Variants in ARSG observed in about 807,000 individuals in gnomAD.
ARSG encodes arylsulfatase G, also known as ASG.
Under a neutral mutation model 50.5 loss-of-function variants are expected in ARSG, and 37 were observed. The ratio of observed to expected loss-of-function variants is 0.73; its 90% CI spans 0.56 to 0.96. ARSG has a LOEUF of 0.96. ARSG is among the 50% of genes least tolerant of loss of function. The probability of loss-of-function intolerance (pLI) is 0.00; values close to 1 mark genes in which losing one functional copy is unlikely to be tolerated. For synonymous variants in ARSG, 225 were observed against 254.6 expected (o/e 0.88, Z 1.11); for missense variants, 629 against 675.3 (o/e 0.93, Z 0.76).
intron 1 of ARSG, among the ~76,000 whole-genome samples, chr17:68,293,105 CTTTTTTGAG>C (rs1277574452): frequency 6.6e-6 from 1 of 152,124 alleles, no homozygotes; most frequent in Non-Finnish European, 1.5e-5. Context: ...AGAGAGAGCC[CTTTTTTGAG>C]TTGTTCTTCA....
intron 2 of ARSG, among the ~76,000 whole-genome samples, chr17:68,341,846 C>T (rs913607987): frequency 6.6e-6 from 1 of 151,824 alleles, no homozygotes; most frequent in Non-Finnish European, 1.5e-5. Flanking sequence ...TTGATACAGA[C>T]TCTTGCTCTG....
At chr17:68,337,464 C>T (rs1417426096) in intron 2 of ARSG, among the ~76,000 whole-genome samples, 1 of 152,088 alleles carries the variant, frequency 6.6e-6, no homozygotes, top group Non-Finnish European at 1.5e-5. Flanking sequence ...GGGAGAACAG[C>T]AGCCATCAGG....
Position 68,406,751 on chromosome 17 carries a change from TC to T in ARSG, c.1303+5303del, listed in dbSNP as rs201285023. ...TTCTTTCTTGCTGATTTGTTTGAGTTCCTTGTAGGTTCTGGATATTAGTCCT... is the reference window on the plus strand; with the variant it reads ...TTCTTTCTTGCTGATTTGTTTGAGTTCTTGTAGGTTCTGGATATTAGTCCT... On this transcript the variant is annotated intron_variant, in intron 11 of 11. Transcript: ENST00000621439. Among the ~76,000 whole-genome samples, 6 of 152,376 alleles carry T rather than the reference TC, an allele frequency of 3.9e-5. No homozygotes were observed. In the East Asian group the frequency reaches 1.2e-3, roughly 29 times the overall value.
intron 2 of ARSG, among the ~76,000 whole-genome samples, chr17:68,321,430 T>A (rs540079435): frequency 6.6e-6 from 1 of 152,116 alleles, no homozygotes; most frequent in Admixed American, 6.6e-5. Context: ...TCAGCTACTT[T>A]CCAGTTCCCA....
chr17:68,322,599 G>C (rs1347434431), intron 2 of ARSG, among the ~76,000 whole-genome samples: 2 of 151,798 alleles, frequency 1.3e-5, no homozygotes, highest in African/African-American at 4.8e-5. Context: ...CCTGGCGATA[G>C]AGTGAGACTC....
intron 1 of ARSG, among the ~76,000 whole-genome samples, chr17:68,281,715 TATC>T (rs1484673836): frequency 6.6e-6 from 1 of 152,144 alleles, no homozygotes; most frequent in Non-Finnish European, 1.5e-5. Flanking sequence ...CACAGTGAGG[TATC>T]ATCTTACCTC....
intron 11 of ARSG, among the ~76,000 whole-genome samples, chr17:68,414,719 T>G (rs939914930): frequency 2.6e-5 from 4 of 152,212 alleles, no homozygotes; most frequent in Non-Finnish European, 5.9e-5. Flanking sequence ...CTGCTTGTTA[T>G]TGGTTTGTTC....
chr17:68,287,016 T>C (rs1464745486), upstream of ARSG, among the ~76,000 whole-genome samples: 1 of 151,976 alleles, frequency 6.6e-6, no homozygotes, highest in African/African-American at 2.4e-5. Context: ...GGAGTTTCGC[T>C]CTTGTTGCCT....
intron 1 of ARSG, among the ~76,000 whole-genome samples, chr17:68,300,006 A>G (rs1164885575): frequency 6.7e-6 from 1 of 149,096 alleles, no homozygotes; most frequent in Non-Finnish European, 1.5e-5. Flanking sequence ...TGACATGATC[A>G]CAGCTCACTT....
intron 11 of ARSG, among the ~76,000 whole-genome samples, chr17:68,406,260 A>G (rs2081712916): frequency 6.6e-6 from 1 of 152,190 alleles, no homozygotes; most frequent in Non-Finnish European, 1.5e-5. Flanking sequence ...CATTATATAT[A>G]TATCACAGTT....
chr17:68,315,994 C>T (rs1010674390), intron 2 of ARSG, among the ~76,000 whole-genome samples: 2 of 152,118 alleles, frequency 1.3e-5, no homozygotes, highest in South Asian at 4.1e-4. Context: ...GGAGGCTCAC[C>T]CAGCCAGGGA....
At chr17:68,351,048 G>A (rs886290181) in intron 4 of ARSG, among the ~76,000 whole-genome samples, 1 of 151,934 alleles carries the variant, frequency 6.6e-6, no homozygotes, top group Non-Finnish European at 1.5e-5. Context: ...ATCTCTATCG[G>A]GGGTAACTTC....
At chr17:68,395,400 C>G (rs766858605) in intron 10 of ARSG, among the ~76,000 whole-genome samples, 2 of 152,198 alleles carry the variant, frequency 1.3e-5, no homozygotes, top group Non-Finnish European at 2.9e-5. Flanking sequence ...CCAGCCTGAC[C>G]AAGATGGTGA....
chr17:68,358,798 T>C (rs2079150084), intron 6 of ARSG, among the ~76,000 whole-genome samples: 1 of 152,012 alleles, frequency 6.6e-6, no homozygotes, highest in Admixed American at 6.6e-5. Context: ...GTCCAGGAGT[T>C]CAAGGCTGCA....
At chr17:68,421,824 C>T (rs1600224362), downstream of ARSG, 2 of 1,614,162 alleles carry the variant, frequency 1.2e-6, no homozygotes, top group Non-Finnish European at 1.7e-6. Context: ...AGATTATCTA[C>T]CAAAATCAAA....
chr17:68,426,251 G>GGGGGGGGGGGGGGGGGGGGGT, downstream of ARSG: 1 of 825,458 alleles, frequency 1.2e-6, no homozygotes, highest in Non-Finnish European at 1.9e-6. Flanking sequence ...GTGGGGAGCG[G>GGGGGGGGGGGGGGGGGGGGGT]GGGCTCAAAT....
chr17:68,390,870 A>G (rs894327459), intron 9 of ARSG, among the ~76,000 whole-genome samples: 4 of 145,372 alleles, frequency 2.8e-5, no homozygotes, highest in Admixed American at 1.4e-4. Context: ...CAGGTGATTC[A>G]CCCTCCTCAG....
intron 11 of ARSG, among the ~76,000 whole-genome samples, chr17:68,408,292 A>G (rs1351447422): frequency 2.0e-5 from 2 of 102,452 alleles, no homozygotes. Flanking sequence ...ACCCCACAAC[A>G]GTCCCCAGAG....
chr17:68,370,409 G>A (rs781151100), intron 7 of ARSG, 35 bp from the exon 8 acceptor site: 3 of 1,608,248 alleles, frequency 1.9e-6, no homozygotes, highest in Non-Finnish European at 2.6e-6. Context: ...TGTCCAACCA[G>A]CCTGGTGACC....
Sources: gnomAD v4.1 joint callset for allele counts (sites outside exome capture counted in the v4.1 genomes callset) on GRCh38, gnomAD v4.1.1 for gene constraint, MANE v1.5 for transcripts, NCBI Gene and HGNC (gene_info 2026-07-23, HGNC 2026-07-21) for gene names.